Variants in GSTM3 observed in about 807,000 individuals in gnomAD.
GSTM3 encodes the protein GST class-mu 3.
A neutral mutation model predicts 36.1 loss-of-function variants in GSTM3; 34 were observed. The ratio of observed to expected loss-of-function variants is 0.94; its 90% CI spans 0.72 to 1.25. The LOEUF is 1.25. Among genes scored for constraint, GSTM3 ranks in the 50% most tolerant of loss-of-function variants. The pLI is 0.00. For synonymous variants in GSTM3, 102 were observed against 99.5 expected (o/e 1.03, Z -0.15); for missense variants, 266 against 281.6 (o/e 0.94, Z 0.40).
chr1:109,737,735 T>G lies in GSTM3; in HGVS notation c.389A>C (p.Gln130Pro). ...TTGTCCAGGTAGCTCTTCCAAGTAC[T>G]GAGGCTTCAGTTTTTCCTGAGAGGA... ...YSSDHEKLKP[Q>P]YLEELPGQLK... Residue 130 changes from glutamine (Q) to proline (P), a missense_variant, in exon 7 of 9, where the codon CAG becomes CCG. Gln to Pro is a moderately conservative substitution (Grantham distance 76, BLOSUM62 -1). Transcript: ENST00000361066. 1.3e-6 allele frequency: 2 copies of G among 1,592,764 alleles called. No individual in the cohort carries two copies. Among genetic ancestry groups the G allele is most frequent in the Non-Finnish European group, 1.7e-6 (2 of 1,167,978 alleles).
intron 6 of GSTM3, 131 bp from the exon 7 acceptor site, chr1:109,737,882 G>A (rs1237162074): frequency 5.6e-6 from 4 of 709,684 alleles, no homozygotes; most frequent in Non-Finnish European, 9.8e-6. Flanking sequence ...GGATGGCAGG[G>A]TGGGGAAAGA....
rs755107574 is a variant in GSTM3, at chr1:109,737,060, C to T, written c.*11G>A. The T allele has an allele frequency of 4.5e-6, 7 of 1,554,856 alleles. No individual in the cohort carries two copies. The Admixed American group carries it at 1.2e-4, about 26-fold the overall frequency. On this transcript the variant is annotated 3_prime_UTR_variant, in exon 9 of 9. Coordinates refer to ENST00000361066, the MANE Select transcript of GSTM3 (RefSeq NM_000849.5). ...ATGAAACAAAACAAGCTCTGCAAGTCTGCCTCCTGCTCAGCATACAGGCTT... is the reference window on the plus strand; with the variant it reads ...ATGAAACAAAACAAGCTCTGCAAGTTTGCCTCCTGCTCAGCATACAGGCTT...
rs889455507 is a variant in GSTM3, at chr1:109,734,217, G to A, written c.*2854C>T. On this transcript the variant is annotated 3_prime_UTR_variant, in exon 9 of 9. Transcript: ENST00000361066. ...GGGGTGCTAAAACCACAATGCTAAT[G>A]TCATGTTTAATGACATTATAATGAG... The A allele has an allele frequency of 2.0e-5, 3 of 152,180 alleles. No individual in the cohort carries two copies. Among genetic ancestry groups the A allele is most frequent in the Non-Finnish European group, 4.4e-5 (3 of 68,026 alleles). 9.4% of individuals were successfully genotyped at this position (152,180 alleles called of 1,614,324 possible).
At chr1:109,738,402 CCT>C (rs751828083) in intron 4 of GSTM3, 36 bp from the exon 5 acceptor site, 21 of 1,375,316 alleles carry the variant, frequency 1.5e-5, no homozygotes, top group Non-Finnish European at 2.0e-5. Flanking sequence ...GAACAACCTG[CCT>C]CTCTCTTGAT....
In GSTM3 at chr1:109,739,823, G is replaced by A; in HGVS notation, c.124+10C>T. 3 of 1,543,420 alleles carry A rather than the reference G, an allele frequency of 1.9e-6. No homozygotes were observed. The highest frequency in any genetic ancestry group is 1.2e-5 in the South Asian group (1 of 83,954). ...CAGCTTGGCTGCACGGGCACGCGGA[G>A]CGGCATTACCTTCCCCGCACGTGTA... is the stretch of plus-strand genomic sequence containing the variant. On this transcript the variant is annotated intron_variant, in intron 3 of 8. Coordinates refer to ENST00000361066, the MANE Select transcript of GSTM3 (RefSeq NM_000849.5).
In GSTM3 at chr1:109,740,043, C is replaced by T. The variant is rs1461250279; in HGVS notation, c.49-135G>A. On this transcript the variant is annotated intron_variant, in intron 2 of 8. Coordinates refer to ENST00000361066, the MANE Select transcript of GSTM3 (RefSeq NM_000849.5). Reference sequence around the variant, plus strand: ...GTGGTTAAGCGGCCCCTAGGCCCGGCTCCGGCGTGGTCTCCTCCGCCCCTC... The same window carrying T: ...GTGGTTAAGCGGCCCCTAGGCCCGGTTCCGGCGTGGTCTCCTCCGCCCCTC... 1.3e-5 allele frequency: 12 copies of T among 898,932 alleles called. No individual in the cohort carries two copies. The Admixed American group carries it at 1.5e-4, about 11-fold the overall frequency. The allele number at this position is 898,932 out of a possible 1,614,324, so 55.7% of individuals were successfully genotyped here. A position where few individuals can be genotyped will look rare whatever the true frequency, so the allele number is the denominator to read the frequency against.
chr1:109,737,011 G>A lies in GSTM3; in HGVS notation c.*60C>T. On this transcript the variant is annotated 3_prime_UTR_variant, in exon 9 of 9. Transcript: ENST00000361066. Reference sequence around the variant, plus strand: ...CTATTCATTGAAAAGAGCAAAGCAAGAGCGCTGACCCCTTACGGACAGGAT... The same window carrying A: ...CTATTCATTGAAAAGAGCAAAGCAAAAGCGCTGACCCCTTACGGACAGGAT... The A allele has an allele frequency of 3.0e-6, 3 of 1,013,210 alleles. No individual in the cohort carries two copies. In the Admixed American group the frequency reaches 5.5e-5, roughly 18 times the overall value. 62.8% of individuals were successfully genotyped at this position (1,013,210 alleles called of 1,614,324 possible).
chr1:109,740,202 C>G (rs895547685), intron 2 of GSTM3, 38 bp downstream of exon 2: 1 of 1,594,124 alleles, frequency 6.3e-7, no homozygotes, highest in Non-Finnish European at 8.6e-7. Context: ...GCGTCAGTCT[C>G]TTTGACCGAG....
At chr1:109,737,975 C>A in intron 6 of GSTM3, 116 bp downstream of exon 6, 1 of 742,042 alleles carries the variant, frequency 1.3e-6, no homozygotes, top group Non-Finnish European at 2.4e-6. Flanking sequence ...CTTATTCTAA[C>A]AATCTGGATT....
intron 1 of GSTM3, among the ~76,000 whole-genome samples, 190 bp downstream of exon 1, chr1:109,740,763 C>G (rs1649360501): frequency 6.6e-6 from 1 of 152,176 alleles, no homozygotes; most frequent in Admixed American, 6.5e-5. Context: ...CAGAAGATTC[C>G]CCACAGACCA....
rs114591021 is a variant in GSTM3 at position 109,735,430 on chromosome 1, C to T, written c.*1641G>A. ...CCTCAACTGATCCTCTCACCTCAGC[C>T]TCTGAAGGTGTTGTTATTACAGCTG... is the stretch of plus-strand genomic sequence containing the variant. On this transcript the variant is annotated 3_prime_UTR_variant, in exon 9 of 9. Coordinates refer to ENST00000361066, the MANE Select transcript of GSTM3 (RefSeq NM_000849.5). The T allele has an allele frequency of 6.6e-6, 1 of 152,320 alleles. No individual in the cohort carries two copies. Among genetic ancestry groups the T allele is most frequent in the African/African-American group, 2.4e-5 (1 of 41,548 alleles). 9.4% of individuals were successfully genotyped at this position (152,320 alleles called of 1,614,324 possible).
intron 2 of GSTM3, 73 bp from the exon 3 acceptor site, chr1:109,739,981 G>T: frequency 8.1e-7 from 1 of 1,239,780 alleles, no homozygotes; most frequent in Non-Finnish European, 1.2e-6. Flanking sequence ...ACGTTCCCCG[G>T]CCCGGGGCTG....
Position 109,737,731 on chromosome 1 carries a change from G to T in GSTM3, c.393C>A (p.Tyr131Ter), listed in dbSNP as rs1405300129. 4 of 1,595,212 alleles carry T rather than the reference G, an allele frequency of 2.5e-6. No homozygotes were observed. The highest frequency in any genetic ancestry group is 3.4e-6 in the Non-Finnish European group (4 of 1,169,774). The change falls in exon 7 of 9, where the codon TAC (tyrosine) becomes TAA (stop). Residue 131 changes from tyrosine to a stop codon, truncating the protein, a stop_gained. Transcript: ENST00000361066. LOFTEE classifies it high-confidence loss of function. ...SSDHEKLKPQ[Y>*]LEELPGQLKQ... ...TCAGTTGTCCAGGTAGCTCTTCCAAGTACTGAGGCTTCAGTTTTTCCTGAG... is the reference window on the plus strand; with the variant it reads ...TCAGTTGTCCAGGTAGCTCTTCCAATTACTGAGGCTTCAGTTTTTCCTGAG...
At chr1:109,737,242 T>C (rs971350541) in intron 8 of GSTM3, 73 bp from the exon 9 acceptor site, 3 of 1,060,146 alleles carry the variant, frequency 2.8e-6, no homozygotes, top group Non-Finnish European at 4.4e-6. Context: ...AACAGCAACA[T>C]TCACGTGTTG....
chr1:109,737,871 A>C (rs770037809), intron 6 of GSTM3, 120 bp from the exon 7 acceptor site: 31 of 725,840 alleles, frequency 4.3e-5, no homozygotes, highest in Non-Finnish European at 6.7e-5. Flanking sequence ...CCTTCACTTG[A>C]GGATGGCAGG....
At chr1:109,739,748 C>T in intron 3 of GSTM3, 85 bp downstream of exon 3, 2 of 1,062,906 alleles carry the variant, frequency 1.9e-6, no homozygotes, top group Non-Finnish European at 2.8e-6. Flanking sequence ...CCGGCCTTGG[C>T]GCGACGCCAC....
Position 109,736,890 on chromosome 1 carries a change from G to A in GSTM3, c.*181C>T, listed in dbSNP as rs1219444682. ...AGTAGGGAAATGCCAGTATCGCAGC[G>A]ATTCAATTCATATCTTGATGATTCT... On this transcript the variant is annotated 3_prime_UTR_variant, in exon 9 of 9. Transcript: ENST00000361066. 5 of 569,400 alleles carry A rather than the reference G, an allele frequency of 8.8e-6. No homozygotes were observed. Among genetic ancestry groups the A allele is most frequent in the East Asian group, 3.0e-5 (1 of 33,540 alleles). The allele number at this position is 569,400 out of a possible 1,614,324, so 35.3% of individuals were successfully genotyped here. A position where few individuals can be genotyped will look rare whatever the true frequency, so the allele number is the denominator to read the frequency against.
intron 4 of GSTM3, among the ~76,000 whole-genome samples, chr1:109,738,950 G>A (rs1225555553): frequency 2.0e-5 from 3 of 151,932 alleles, no homozygotes; most frequent in Non-Finnish European, 2.9e-5. Flanking sequence ...GCAAAACCCC[G>A]TCTCTTACAA....
chr1:109,734,869 G>C lies in GSTM3; in HGVS notation c.*2202C>G, dbSNP rs1649157597. 6.6e-6 allele frequency: 1 copy of C among 152,292 alleles called. No homozygotes were observed. The highest frequency in any genetic ancestry group is 1.5e-5 in the Non-Finnish European group (1 of 68,082). 9.4% of individuals were successfully genotyped at this position (152,292 alleles called of 1,614,324 possible). On this transcript the variant is annotated 3_prime_UTR_variant, in exon 9 of 9. Coordinates refer to ENST00000361066, the MANE Select transcript of GSTM3 (RefSeq NM_000849.5). The stretch of plus-strand genomic sequence containing the variant: ...GATCCTTGGCTTCTGGTCCATAGGG[G>C]ATGGCAATCTGGCCCACAGGCCTAT...
Sources: allele counts gnomAD v4.1 joint callset (sites outside exome capture counted in the v4.1 genomes callset), GRCh38; gene constraint gnomAD v4.1.1; transcripts MANE v1.5; gene names NCBI Gene and HGNC (gene_info 2026-07-23, HGNC 2026-07-21).